Variants in ZMAT4 observed in about 807,000 individuals in gnomAD.
ZMAT4 encodes the protein zinc finger matrin-type protein 4.
Under a neutral mutation model 28.7 loss-of-function variants are expected in ZMAT4, and 17 were observed. The observed-to-expected ratio is 0.59, with a 90% confidence interval of 0.41 to 0.89. The LOEUF (loss-of-function observed/expected upper bound fraction) is 0.89. ZMAT4 is among the 40% of genes least tolerant of loss of function. The pLI, the probability that ZMAT4 is intolerant of heterozygous loss-of-function variation, is 0.00. For missense variants in ZMAT4, 240 were observed against 283.8 expected (o/e 0.85, Z 1.11); for synonymous variants, 117 against 109.2 (o/e 1.07, Z -0.44).
intron 1 of ZMAT4, among the ~76,000 whole-genome samples, chr8:40,841,727 T>C (rs547665481): frequency 6.6e-6 from 1 of 152,328 alleles, no homozygotes; most frequent in South Asian, 2.1e-4. Flanking sequence ...CCGATAATAA[T>C]AAACTGATAA....
At chr8:40,614,052 T>C (rs1158300771) in intron 5 of ZMAT4, among the ~76,000 whole-genome samples, 2 of 152,214 alleles carry the variant, frequency 1.3e-5, no homozygotes, top group African/African-American at 4.8e-5. Flanking sequence ...TCACCTTCTG[T>C]GTCATCTTGC....
intron 2 of ZMAT4, among the ~76,000 whole-genome samples, chr8:40,769,778 T>TTGA (rs1326460239): frequency 6.8e-6 from 1 of 147,218 alleles, no homozygotes; most frequent in African/African-American, 2.5e-5. Context: ...GCGGCCTGGT[T>TTGA]TGTGGCTGTT....
chr8:40,865,415 C>T (rs1056759278), intron 1 of ZMAT4, among the ~76,000 whole-genome samples: 2 of 152,188 alleles, frequency 1.3e-5, no homozygotes, highest in African/African-American at 4.8e-5. Flanking sequence ...AGATCTGGGC[C>T]ATGGAGAGGA....
intron 5 of ZMAT4, among the ~76,000 whole-genome samples, chr8:40,656,378 A>G (rs936321008): frequency 2.6e-5 from 4 of 152,140 alleles, no homozygotes; most frequent in Non-Finnish European, 2.9e-5. Context: ...TTTTGCAAAC[A>G]CTTTGCAATT....
chr8:40,588,072 T>C (rs572589397), intron 5 of ZMAT4, among the ~76,000 whole-genome samples: 1 of 152,110 alleles, frequency 6.6e-6, no homozygotes, highest in East Asian at 1.9e-4. Flanking sequence ...AAATACAATT[T>C]AGCCAATAAC....
In ZMAT4 at chr8:40,552,781, A is replaced by T. The variant is rs548923346; in HGVS notation, c.675-20543T>A. 3.9e-5 allele frequency among the ~76,000 whole-genome samples: 6 copies of T among 152,278 alleles called. No individual in the cohort carries two copies. The East Asian group carries it at 9.7e-4, about 25-fold the overall frequency. On this transcript the variant is annotated intron_variant, in intron 6 of 6. Coordinates refer to ENST00000297737, the MANE Select transcript of ZMAT4 (RefSeq NM_024645.3). Reference sequence around the variant, plus strand: ...CCTCTTTAACTTTGACTATAGCGCAATGTAGTAGTGTTAAAAATACATCCA... The same window carrying T: ...CCTCTTTAACTTTGACTATAGCGCATTGTAGTAGTGTTAAAAATACATCCA...
At chr8:40,609,992 C>T (rs1278436970) in intron 5 of ZMAT4, among the ~76,000 whole-genome samples, 1 of 152,192 alleles carries the variant, frequency 6.6e-6, no homozygotes, top group Non-Finnish European at 1.5e-5. Context: ...AAGACAGCAT[C>T]TTTGATCTTT....
At chr8:40,845,207 C>G (rs143489552) in intron 1 of ZMAT4, among the ~76,000 whole-genome samples, 3 of 152,302 alleles carry the variant, frequency 2.0e-5, no homozygotes, top group African/African-American at 7.2e-5. Context: ...GGATCTCCTC[C>G]TGAATGAAGT....
intron 5 of ZMAT4, among the ~76,000 whole-genome samples, chr8:40,645,540 T>C (rs1278728608): frequency 6.6e-6 from 1 of 152,166 alleles, no homozygotes; most frequent in African/African-American, 2.4e-5. Flanking sequence ...AAAATATCTA[T>C]AGAAGAGAAA....
intron 5 of ZMAT4, among the ~76,000 whole-genome samples, chr8:40,595,805 TGG>T (rs1805070856): frequency 1.3e-5 from 2 of 152,052 alleles, no homozygotes; most frequent in African/African-American, 4.8e-5. Context: ...AATGTAAGGC[TGG>T]GCACGGTGGC....
intron 5 of ZMAT4, among the ~76,000 whole-genome samples, chr8:40,620,024 G>A (rs897143205): frequency 6.6e-6 from 1 of 152,160 alleles, no homozygotes; most frequent in Non-Finnish European, 1.5e-5. Context: ...ATAAATGCAA[G>A]GATCTCAGCC....
chr8:40,846,827 C>A (rs534073606), intron 1 of ZMAT4, among the ~76,000 whole-genome samples: 1 of 152,252 alleles, frequency 6.6e-6, no homozygotes, highest in East Asian at 1.9e-4. Context: ...GGTAGGTCAT[C>A]ATTTTATAGG....
chr8:40,841,095 T>A (rs1234276185), intron 1 of ZMAT4, among the ~76,000 whole-genome samples: 2 of 152,160 alleles, frequency 1.3e-5, no homozygotes, highest in Non-Finnish European at 2.9e-5. Flanking sequence ...ACAGGCTACT[T>A]AGTCCTATAG....
chr8:40,766,136 T>C (rs1478330204), intron 3 of ZMAT4, among the ~76,000 whole-genome samples: 1 of 152,176 alleles, frequency 6.6e-6, no homozygotes, highest in East Asian at 1.9e-4. Context: ...AAATGCCAAC[T>C]CTTCAGGAGC....
At chr8:40,828,088 A>G (rs956428495) in intron 1 of ZMAT4, among the ~76,000 whole-genome samples, 1 of 152,190 alleles carries the variant, frequency 6.6e-6, no homozygotes, top group Non-Finnish European at 1.5e-5. Context: ...GGCACTCCGG[A>G]GATGGTCTAC....
At chr8:40,703,940 G>A (rs1810249405) in intron 3 of ZMAT4, among the ~76,000 whole-genome samples, 1 of 152,158 alleles carries the variant, frequency 6.6e-6, no homozygotes, top group African/African-American at 2.4e-5. Context: ...TGGCTCCCAT[G>A]TAGTATATGG....
rs191260376 is a variant in ZMAT4 at position 40,880,226 on chromosome 8, G to A, written c.-5+17457C>T. 4.0e-3 allele frequency among the ~76,000 whole-genome samples: 604 copies of A among 152,158 alleles called. 3 individuals are homozygous for A. Among genetic ancestry groups the A allele is most frequent in the African/African-American group, 0.014 (573 of 41,520 alleles). ...CTACTAAAAATACAAAAAATTAGCC[G>A]AGCGTCGTGGCACATGCCTGTAATC... On this transcript the variant is annotated intron_variant, in intron 1 of 6. Coordinates refer to ENST00000297737, the MANE Select transcript of ZMAT4 (RefSeq NM_024645.3).
chr8:40,617,512 G>A (rs1806052761), intron 5 of ZMAT4, among the ~76,000 whole-genome samples: 1 of 152,180 alleles, frequency 6.6e-6, no homozygotes, highest in Admixed American at 6.5e-5. Context: ...CATCATCTTG[G>A]AATGCTGAAA....
chr8:40,742,145 GCTA>G (rs1812035041), intron 3 of ZMAT4, among the ~76,000 whole-genome samples: 1 of 151,594 alleles, frequency 6.6e-6, no homozygotes, highest in African/African-American at 2.4e-5. Flanking sequence ...GTAGTCCCCA[GCTA>G]CTCAAGAGGC....
Sources: allele counts gnomAD v4.1 joint callset (sites outside exome capture counted in the v4.1 genomes callset), GRCh38; gene constraint gnomAD v4.1.1; transcripts MANE v1.5; gene names NCBI Gene and HGNC (gene_info 2026-07-23, HGNC 2026-07-21).